The following RREB1 variants were observed in gnomAD, a reference collection of about 807,000 sequenced individuals.
RREB1 encodes ras responsive element binding protein 1, also known as ras-responsive element-binding protein 1.
Under a neutral mutation model 117.8 loss-of-function variants are expected in RREB1, and 27 were observed. The ratio of observed to expected loss-of-function variants is 0.23; its 90% CI spans 0.17 to 0.32. The LOEUF (loss-of-function observed/expected upper bound fraction) is 0.32. Ranked by LOEUF, RREB1 falls within the 10% of genes least tolerant of loss-of-function variation. The pLI is 1.00. For missense variants in RREB1, 2,577 were observed against 2,378.2 expected, an observed-to-expected ratio of 1.08 and a Z score of -1.74; for synonymous variants, 1,298 against 1,026.7, an observed-to-expected ratio of 1.26 and a Z score of -5.05.
At chr6:7,167,860 G>A (rs1401762182) in intron 1 of RREB1, among the ~76,000 whole-genome samples, 3 of 152,158 alleles carry the variant, frequency 2.0e-5, no homozygotes, top group Admixed American at 2.0e-4. Flanking sequence ...ATATTGTAAG[G>A]TAAGGAGGGC....
chr6:7,126,070 C>T (rs201183515), intron 1 of RREB1, among the ~76,000 whole-genome samples: 1 of 152,146 alleles, frequency 6.6e-6, no homozygotes, highest in Non-Finnish European at 1.5e-5. Context: ...GGCACGATCT[C>T]GGCTCACTGC....
intron 8 of RREB1, chr6:7,214,431 G>C (rs568499601): frequency 6.6e-6 from 1 of 152,380 alleles, no homozygotes; most frequent in Non-Finnish European, 1.5e-5. Flanking sequence ...CTTTGTGGGG[G>C]CACACAGGCC....
chr6:7,201,255 C>G (rs887098350), intron 6 of RREB1, among the ~76,000 whole-genome samples: 1 of 152,164 alleles, frequency 6.6e-6, no homozygotes, highest in South Asian at 2.1e-4. Flanking sequence ...GTAGCAAAGT[C>G]AAGAGGGAGC....
rs1769278281 is a variant in RREB1, at chr6:7,248,951, C to A, written c.5212C>A (p.Leu1738Ile). ...GGCCACAGCTGATGGCGCCTCCCAG[C>A]TCGTGGGGATGGAGTGACAGCCTCA... ...ILATADGASQ[L>I]VGME The change falls in exon 13 of 13, where the codon CTC (leucine) becomes ATC (isoleucine). Residue 1738 changes from leucine to isoleucine, a missense_variant. Physicochemically the swap from Leu to Ile is conservative, Grantham distance 5. Transcript: ENST00000379938. The A allele has an allele frequency of 6.0e-6, 9 of 1,489,596 alleles. No homozygotes were observed. In the East Asian group the frequency reaches 2.2e-4, roughly 37 times the overall value. The allele number at this position is 1,489,596 out of a possible 1,614,324, so 92.3% of individuals were successfully genotyped here.
At chr6:7,150,242 G>A (rs962586509) in intron 1 of RREB1, among the ~76,000 whole-genome samples, 1 of 152,076 alleles carries the variant, frequency 6.6e-6, no homozygotes, top group Non-Finnish European at 1.5e-5. Context: ...AGCATTGCTG[G>A]ACCCAGGTTT....
At chr6:7,193,032 T>C (rs902538294) in intron 6 of RREB1, among the ~76,000 whole-genome samples, 5 of 152,246 alleles carry the variant, frequency 3.3e-5, no homozygotes, top group Non-Finnish European at 7.3e-5. Flanking sequence ...TGTGAGTTCT[T>C]CTTTGACCCA....
At chr6:7,109,466 T>G (rs919621347) in intron 1 of RREB1, among the ~76,000 whole-genome samples, 10 of 141,046 alleles carry the variant, frequency 7.1e-5, no homozygotes, top group Non-Finnish European at 1.2e-4. Context: ...CGCGCGTGAG[T>G]GCGGGGCGCG....
intron 12 of RREB1, 57 bp downstream of exon 12, chr6:7,247,278 T>G (rs1041836409): frequency 6.7e-7 from 1 of 1,490,806 alleles, no homozygotes; most frequent in East Asian, 2.3e-5. Flanking sequence ...CGGGCACCTC[T>G]CCTAGGAGCT....
intron 1 of RREB1, among the ~76,000 whole-genome samples, chr6:7,137,983 T>TA (rs1762416618): frequency 6.6e-6 from 1 of 152,212 alleles, no homozygotes; most frequent in Non-Finnish European, 1.5e-5. Context: ...CTCACTCACT[T>TA]ACGCCTAGTC....
intron 11 of RREB1, among the ~76,000 whole-genome samples, chr6:7,243,915 A>G (rs1768860778): frequency 6.6e-6 from 1 of 152,010 alleles, no homozygotes; most frequent in Non-Finnish European, 1.5e-5. Flanking sequence ...ATAGAAGTGT[A>G]GTCTAGGATA....
intron 6 of RREB1, among the ~76,000 whole-genome samples, chr6:7,207,294 C>T (rs1263803673): frequency 2.0e-5 from 3 of 152,190 alleles, no homozygotes; most frequent in Non-Finnish European, 4.4e-5. Context: ...ATCTCTAGTG[C>T]TCAGCCACTT....
chr6:7,217,537 C>A (rs1053887565), intron 8 of RREB1: 1 of 152,142 alleles, frequency 6.6e-6, no homozygotes, highest in Non-Finnish European at 1.5e-5. Context: ...TCTGAACGCA[C>A]AGCCTGGCAG....
At chr6:7,242,497 G>A (rs1451239635) in intron 11 of RREB1, among the ~76,000 whole-genome samples, 1 of 152,210 alleles carries the variant, frequency 6.6e-6, no homozygotes, top group African/African-American at 2.4e-5. Context: ...GTTTGGTTTA[G>A]TTGTGGTCAC....
intron 1 of RREB1, among the ~76,000 whole-genome samples, chr6:7,163,532 C>T (rs1397879469): frequency 6.6e-6 from 1 of 152,214 alleles, no homozygotes; most frequent in Non-Finnish European, 1.5e-5. Context: ...GCTGGGACTA[C>T]AGGCACCCGC....
intron 7 of RREB1, among the ~76,000 whole-genome samples, 190 bp from the exon 8 acceptor site, chr6:7,211,383 G>GATGGATGA (rs1169279363): frequency 6.6e-6 from 1 of 150,492 alleles, no homozygotes; most frequent in African/African-American, 2.5e-5. Flanking sequence ...TGGATGGATG[G>GATGGATGA]ATGGATGGTA....
chr6:7,216,987 G>C (rs12206543), intron 8 of RREB1: 21,828 of 152,364 alleles, frequency 0.14, 1,837 homozygotes, highest in African/African-American at 0.22. Context: ...ACGCTGGTTT[G>C]GTTGAACAGT....
intron 1 of RREB1, among the ~76,000 whole-genome samples, chr6:7,148,253 A>G (rs564563981): frequency 4.9e-4 from 75 of 152,222 alleles, no homozygotes; most frequent in African/African-American, 1.6e-3. Flanking sequence ...AGCCCTGGCC[A>G]CCTTGTCTCA....
chr6:7,230,837 A>G lies in RREB1; in HGVS notation c.2738A>G (p.Lys913Arg), dbSNP rs760059375. 3 of 1,614,236 alleles carry G rather than the reference A, an allele frequency of 1.9e-6. No homozygotes were observed. The highest frequency in any genetic ancestry group is 3.3e-5 in the Admixed American group (2 of 60,026). ...AAGGGCCTGGCCCTGGTCCAAGTGA[A>G]GCAGGAAAACATCTCCTTTCTGAGC... is the stretch of plus-strand genomic sequence containing the variant. Reference protein sequence around the residue: ...SQKGLALVQVKQENISFLSPS... With the variant: ...SQKGLALVQVRQENISFLSPS... The change falls in exon 10 of 13, where the codon AAG becomes AGG. Residue 913 changes from lysine to arginine, a missense_variant. Coordinates refer to ENST00000379938, the MANE Select transcript of RREB1 (RefSeq NM_001003699.4).
At chr6:7,193,455 G>C (rs1005843069) in intron 6 of RREB1, among the ~76,000 whole-genome samples, 2 of 152,184 alleles carry the variant, frequency 1.3e-5, no homozygotes, top group Non-Finnish European at 2.9e-5. Context: ...TTTTGCAAAT[G>C]AGGAAAGGAC....
Sources: gnomAD v4.1 joint callset for allele counts (sites outside exome capture counted in the v4.1 genomes callset) on GRCh38, gnomAD v4.1.1 for gene constraint, MANE v1.5 for transcripts, NCBI Gene and HGNC (gene_info 2026-07-23, HGNC 2026-07-21) for gene names.